The following FOXF1 variants were observed in gnomAD, a reference collection of about 807,000 sequenced individuals.
FOXF1 encodes forkhead box protein F1.
A neutral mutation model predicts 26.6 loss-of-function variants in FOXF1; 9 were observed. That is an observed-to-expected ratio of 0.34 (90% confidence interval 0.20 to 0.59). FOXF1 has a LOEUF of 0.59. FOXF1 is among the 20% of genes least tolerant of loss of function. The pLI, the probability that FOXF1 is intolerant of heterozygous loss-of-function variation, is 0.83. For missense variants in FOXF1, 499 were observed against 549.9 expected, an observed-to-expected ratio of 0.91 and a Z score of 0.93; for synonymous variants, 330 against 257.7, an observed-to-expected ratio of 1.28 and a Z score of -2.69.
intron 1 of FOXF1, among the ~76,000 whole-genome samples, chr16:86,512,498 G>C (rs1294996622): frequency 6.6e-6 from 1 of 152,246 alleles, no homozygotes; most frequent in Non-Finnish European, 1.5e-5. Flanking sequence ...CTGGCCCGGC[G>C]CTGGCCCTGC....
In FOXF1 at chr16:86,515,125, A is replaced by C. The variant is rs1304171332; in HGVS notation, c.*2040A>C. 1 of 152,130 alleles carries C rather than the reference A, an allele frequency of 6.6e-6. No individual in the cohort carries two copies. The highest frequency in any genetic ancestry group is 6.5e-5 in the Admixed American group (1 of 15,278). The allele number at this position is 152,130 out of a possible 1,614,324, so 9.4% of individuals were successfully genotyped here. A position where few individuals can be genotyped will look rare whatever the true frequency, so the allele number is the denominator to read the frequency against. ...GCACCTTTCCAATCCTGTAACATTT[A>C]TCTCCTAAGTCACAGTTCGTCCTCT... On this transcript the variant is annotated 3_prime_UTR_variant, in exon 2 of 2. Coordinates refer to ENST00000262426, the MANE Select transcript of FOXF1 (RefSeq NM_001451.3). The surrounding 1 kb of genome is among the most constrained non-coding windows in gnomAD (Gnocchi z 4.1).
rs1969594214 is a variant in FOXF1 at position 86,513,116 on chromosome 16, C to A, written c.*31C>A. 2 of 1,605,846 alleles carry A rather than the reference C, an allele frequency of 1.2e-6. No individual in the cohort carries two copies. On this transcript the variant is annotated 3_prime_UTR_variant, in exon 2 of 2. Transcript: ENST00000262426. Reference sequence around the variant, plus strand: ...CCGCCGCAGGCCCTCCTGGTGCAGGCAGGCGGGTCACAGGGACCCTGGACC... The same window carrying A: ...CCGCCGCAGGCCCTCCTGGTGCAGGAAGGCGGGTCACAGGGACCCTGGACC...
chr16:86,510,636 G>T lies in FOXF1; in HGVS notation c.67G>T (p.Gly23Cys). 7.0e-7 allele frequency: 1 copy of T among 1,433,098 alleles called. No individual in the cohort carries two copies. Among genetic ancestry groups the T allele is most frequent in the Non-Finnish European group, 9.1e-7 (1 of 1,101,768 alleles). The allele number at this position is 1,433,098 out of a possible 1,614,324, so 88.8% of individuals were successfully genotyped here. ...CGGCGGCGGCGGCGGCGGGGGAGGCGGCGCGGCCATGGACCCCGCGTCGTC... is the reference window on the plus strand; with the variant it reads ...CGGCGGCGGCGGCGGCGGGGGAGGCTGCGCGGCCATGGACCCCGCGTCGTC... ...GGGGGGGGGG[G>C]AAMDPASSGP... The change falls in exon 1 of 2, where the codon GGC becomes TGC. Residue 23 changes from glycine (G) to cysteine (C), a missense_variant. By Grantham distance (159) the Gly-to-Cys change is radical. Coordinates refer to ENST00000262426, the MANE Select transcript of FOXF1 (RefSeq NM_001451.3).
rs993021466 is a variant in FOXF1, at chr16:86,511,473, G to C, written c.904G>C (p.Gly302Arg). ...TAACCCCGCGGCCAACCCCCTGTCC[G>C]GCAGCCTCTCCACGCACTCCCTGGA... The part of the protein sequence containing the change: ...PCNPAANPLS[G>R]SLSTHSLEQP... Residue 302 changes from glycine (G) to arginine (R), a missense_variant, in exon 1 of 2, where the codon GGC becomes CGC. Physicochemically the swap from Gly to Arg is moderately radical, Grantham distance 125. This residue lies in a region of FOXF1 where 367 missense variants were observed against 324.8 expected (regional missense o/e 1.13). Coordinates refer to ENST00000262426, the MANE Select transcript of FOXF1 (RefSeq NM_001451.3). 5.0e-6 allele frequency: 8 copies of C among 1,589,772 alleles called. No individual in the cohort carries two copies. The highest frequency in any genetic ancestry group is 3.4e-5 in the Admixed American group (2 of 59,234).
At chr16:86,512,639 C>T (rs1396014801) in intron 1 of FOXF1, among the ~76,000 whole-genome samples, 4 of 152,352 alleles carry the variant, frequency 2.6e-5, no homozygotes, top group East Asian at 1.9e-4. Context: ...TCCCCTATGG[C>T]TCTGGAAGCC....
intron 1 of FOXF1, among the ~76,000 whole-genome samples, chr16:86,512,312 C>A (rs1356682321): frequency 6.6e-6 from 1 of 152,232 alleles, no homozygotes; most frequent in Non-Finnish European, 1.5e-5. Context: ...CCCCCCGCAG[C>A]CTGCAGGCCC....
In FOXF1 at chr16:86,510,603, CACG is replaced by C; in HGVS notation, c.35_37del (p.His12_Gly13delinsArg). 2 of 1,389,164 alleles carry C rather than the reference CACG, an allele frequency of 1.4e-6. No homozygotes were observed. Among genetic ancestry groups the C allele is most frequent in the Non-Finnish European group, 1.9e-6 (2 of 1,080,810 alleles). The allele number at this position is 1,389,164 out of a possible 1,614,324, so 86.1% of individuals were successfully genotyped here. On this transcript the variant is annotated inframe_deletion, in exon 1 of 2. Coordinates refer to ENST00000262426, the MANE Select transcript of FOXF1 (RefSeq NM_001451.3). ...GGCGCCCGAGAAGCAGCAGCCACCGCACGGCGGCGGCGGCGGCGGCGGCGGGGG... is the reference window on the plus strand; with the variant it reads ...GGCGCCCGAGAAGCAGCAGCCACCGCGCGGCGGCGGCGGCGGCGGCGGGGG...
rs779233044 is a variant in FOXF1, at chr16:86,510,541, G to A, written c.-29G>A. 3 of 1,298,006 alleles carry A rather than the reference G, an allele frequency of 2.3e-6. No individual in the cohort carries two copies. The South Asian group carries it at 7.1e-5, about 31-fold the overall frequency. The allele number at this position is 1,298,006 out of a possible 1,614,324, so 80.4% of individuals were successfully genotyped here. ...CCGTCCGCGGCGCAGAGCAGCGGCG[G>A]CAGCGGCGGCGGCGGCAGCAGCCAC... On this transcript the variant is annotated 5_prime_UTR_variant, in exon 1 of 2. Coordinates refer to ENST00000262426, the MANE Select transcript of FOXF1 (RefSeq NM_001451.3).
At position 86,510,740 on chromosome 16, in the gene FOXF1, C is replaced by A. The variant is rs779787879; in HGVS notation, c.171C>A (p.Ile57=). Residue 57 remains isoleucine, a synonymous_variant, in exon 1 of 2, where the codon ATC becomes ATA. Coordinates refer to ENST00000262426, the MANE Select transcript of FOXF1 (RefSeq NM_001451.3). ...EKPPYSYIAL[I]VMAIQSSPTK... Reference sequence around the variant, plus strand: ...CGCCCTATTCCTACATCGCGCTCATCGTCATGGCCATCCAGAGTTCACCCA... The same window carrying A: ...CGCCCTATTCCTACATCGCGCTCATAGTCATGGCCATCCAGAGTTCACCCA... 3 of 1,613,906 alleles carry A rather than the reference C, an allele frequency of 1.9e-6. No homozygotes were observed. The highest frequency in any genetic ancestry group is 1.3e-5 in the African/African-American group (1 of 74,952).
rs1247398492 is a variant in FOXF1, at chr16:86,510,911, G to A, written c.342G>A (p.Gly114=). 4 of 1,613,730 alleles carry A rather than the reference G, an allele frequency of 2.5e-6. No homozygotes were observed. The Admixed American group carries it at 6.7e-5, about 27-fold the overall frequency. Residue 114 remains glycine (G), a synonymous_variant, in exon 1 of 2, where the codon GGG becomes GGA. Coordinates refer to ENST00000262426, the MANE Select transcript of FOXF1 (RefSeq NM_001451.3). ...ECFIKLPKGL[G]RPGKGHYWTI... ...TCATCAAGCTACCCAAGGGCCTTGG[G>A]CGGCCCGGCAAGGGCCACTACTGGA...
intron 1 of FOXF1, among the ~76,000 whole-genome samples, chr16:86,511,970 GC>G (rs2143188642): frequency 6.6e-6 from 1 of 152,302 alleles, no homozygotes; most frequent in East Asian, 1.9e-4. Context: ...CTGGAGGGCT[GC>G]CTCTGCCTGG....
rs564607880 is a variant in FOXF1, at chr16:86,512,799, C to T, written c.980-126C>T. 300 of 1,112,956 alleles carry T rather than the reference C, an allele frequency of 2.7e-4. 1 individual carries two copies. In the African/African-American group the frequency reaches 3.4e-3, roughly 13 times the overall value. The allele number at this position is 1,112,956 out of a possible 1,614,324, so 68.9% of individuals were successfully genotyped here. A position where few individuals can be genotyped will look rare whatever the true frequency, so the allele number is the denominator to read the frequency against. The stretch of plus-strand genomic sequence containing the variant: ...TCGGGGAGGAGAGCGGGGAGGCGGC[C>T]GTGCTCTGGAGCCAGGCTGACAGGC... On this transcript the variant is annotated intron_variant, in intron 1 of 1. Transcript: ENST00000262426.
In FOXF1 at chr16:86,513,020, G is replaced by C. The variant is rs1210655841; in HGVS notation, c.1075G>C (p.Ala359Pro). ...NAMASSSMHS[A>P]GGGSYYHQQV... ...CATGGCGTCCTCTTCCATGCACTCGGCCGGCGGGGGCTCCTACTACCACCA... is the reference window on the plus strand; with the variant it reads ...CATGGCGTCCTCTTCCATGCACTCGCCCGGCGGGGGCTCCTACTACCACCA... The change falls in exon 2 of 2, where the codon GCC becomes CCC. Residue 359 changes from alanine to proline, a missense_variant. Physicochemically the swap from Ala to Pro is conservative, Grantham distance 27. Coordinates refer to ENST00000262426, the MANE Select transcript of FOXF1 (RefSeq NM_001451.3). The C allele has an allele frequency of 1.2e-6, 2 of 1,613,720 alleles. No individual in the cohort carries two copies. The highest frequency in any genetic ancestry group is 1.7e-6 in the Non-Finnish European group (2 of 1,180,046).
At chr16:86,511,622 G>A (rs1567511189) in intron 1 of FOXF1, 74 bp downstream of exon 1, 4 of 1,534,314 alleles carry the variant, frequency 2.6e-6, no homozygotes, top group Non-Finnish European at 3.5e-6. Context: ...CAGCTGGGGC[G>A]AGCCCCTCCA....
rs201828578 is a variant in FOXF1 at position 86,510,915 on chromosome 16, C to T, written c.346C>T (p.Pro116Ser). The change falls in exon 1 of 2, where the codon CCC becomes TCC. Residue 116 changes from proline (P) to serine (S), a missense_variant. Physicochemically the swap from Pro to Ser is moderately conservative, Grantham distance 74 (BLOSUM62 -1). Around this residue, in one of 5 missense-constraint regions of FOXF1, gnomAD observed 36 missense variants for 73.7 expected, o/e 0.49. Coordinates refer to ENST00000262426, the MANE Select transcript of FOXF1 (RefSeq NM_001451.3). ...FIKLPKGLGR[P>S]GKGHYWTIDP... ...CAAGCTACCCAAGGGCCTTGGGCGG[C>T]CCGGCAAGGGCCACTACTGGACCAT... 99 of 1,613,858 alleles carry T rather than the reference C, an allele frequency of 6.1e-5. No individual in the cohort carries two copies. In the African/African-American group the frequency reaches 1.3e-3, roughly 21 times the overall value.
intron 1 of FOXF1, among the ~76,000 whole-genome samples, chr16:86,511,878 C>G (rs1468716206): frequency 1.3e-5 from 2 of 152,226 alleles, no homozygotes; most frequent in Non-Finnish European, 2.9e-5. Context: ...CCCCTCACAG[C>G]TTGGAAAGAT....
In FOXF1 at chr16:86,514,318, C is replaced by T. The variant is rs1969614456; in HGVS notation, c.*1233C>T. 1 of 150,948 alleles carries T rather than the reference C, an allele frequency of 6.6e-6. No individual in the cohort carries two copies. The highest frequency in any genetic ancestry group is 1.5e-5 in the Non-Finnish European group (1 of 67,892). The allele number at this position is 150,948 out of a possible 1,614,324, so 9.4% of individuals were successfully genotyped here. On this transcript the variant is annotated 3_prime_UTR_variant, in exon 2 of 2. Transcript: ENST00000262426. The stretch of plus-strand genomic sequence containing the variant: ...ACACGTATTTGAAATTTGAAATTTC[C>T]TTCTGCACTGTATAAAAGGACCATT...
At chr16:86,511,662 G>A (rs1204308218) in intron 1 of FOXF1, 114 bp downstream of exon 1, 3 of 1,442,344 alleles carry the variant, frequency 2.1e-6, no homozygotes, top group Non-Finnish European at 2.8e-6. Flanking sequence ...AAGGCTGAGG[G>A]GAGGCACCAG....
chr16:86,510,534 AGCGGCGGCAGCGGCG>A lies in FOXF1; in HGVS notation c.-24_-10del, dbSNP rs1243209673. 1.2e-5 allele frequency: 16 copies of A among 1,285,158 alleles called. No homozygotes were observed. The Admixed American group carries it at 2.2e-4, about 18-fold the overall frequency. 79.6% of individuals were successfully genotyped at this position (1,285,158 alleles called of 1,614,324 possible). A position where few individuals can be genotyped will look rare whatever the true frequency, so the allele number is the denominator to read the frequency against. The stretch of plus-strand genomic sequence containing the variant: ...TCCCGGCCCGTCCGCGGCGCAGAGC[AGCGGCGGCAGCGGCG>A]GCGGCGGCAGCAGCCACCCGATGTC... On this transcript the variant is annotated 5_prime_UTR_variant, in exon 1 of 2. Transcript: ENST00000262426.
Sources: gnomAD v4.1 joint callset for allele counts (sites outside exome capture counted in the v4.1 genomes callset) on GRCh38, gnomAD v4.1.1 for gene constraint, gnomAD v4.1.1 regional missense constraint, Gnocchi (gnomAD v3.1) non-coding constraint, MANE v1.5 for transcripts, NCBI Gene and HGNC (gene_info 2026-07-23, HGNC 2026-07-21) for gene names.